LDLRAD3: variants seen among roughly 807,000 people sequenced by gnomAD.
The protein encoded by LDLRAD3 is low density lipoprotein receptor class A domain containing 3, also known as low-density lipoprotein receptor class A domain-containing protein 3.
Under a neutral mutation model 29.4 loss-of-function variants are expected in LDLRAD3, and 20 were observed. The observed-to-expected ratio is 0.68, with a 90% CI of 0.48 to 0.99. The LOEUF is 0.99. Ranked by LOEUF, LDLRAD3 falls within the 50% of genes least tolerant of loss-of-function variation. LDLRAD3 has a pLI of 0.00. For synonymous variants in LDLRAD3, 157 were observed against 192.7 expected, an observed-to-expected ratio of 0.81 and a Z score of 1.53; for missense variants, 420 against 454.3, an observed-to-expected ratio of 0.92 and a Z score of 0.69.
chr11:35,961,154 C>T (rs1344289684), intron 1 of LDLRAD3, among the ~76,000 whole-genome samples: 2 of 152,002 alleles, frequency 1.3e-5, no homozygotes, highest in African/African-American at 2.4e-5. Flanking sequence ...GATTCTGGTG[C>T]CCCCGTGGCT....
chr11:36,066,959 G>A (rs1499509), intron 2 of LDLRAD3, among the ~76,000 whole-genome samples: 22,826 of 152,060 alleles, frequency 0.15, 1,832 homozygotes, highest in East Asian at 0.29. Flanking sequence ...GCTCCCAGAC[G>A]CATCTCCTGC....
rs187588189 is a variant in LDLRAD3, at chr11:36,010,237, C to T, written c.47-25866C>T. 5.4e-3 allele frequency: 832 copies of T among 154,460 alleles called. 9 individuals carry two copies. Among genetic ancestry groups the T allele is most frequent in the African/African-American group, 0.019 (781 of 41,628 alleles). 9.6% of individuals were successfully genotyped at this position (154,460 alleles called of 1,614,324 possible). Reference sequence around the variant, plus strand: ...ATAACTAGGACAGTGGATCTGCTGCCAAAAATACCATCTGCTGTTTTCCAA... The same window carrying T: ...ATAACTAGGACAGTGGATCTGCTGCTAAAAATACCATCTGCTGTTTTCCAA... On this transcript the variant is annotated intron_variant, in intron 1 of 5. Coordinates refer to ENST00000315571, the MANE Select transcript of LDLRAD3 (RefSeq NM_174902.4).
At chr11:35,986,695 T>G (rs1565143982) in intron 1 of LDLRAD3, among the ~76,000 whole-genome samples, 2 of 152,192 alleles carry the variant, frequency 1.3e-5, no homozygotes, top group Non-Finnish European at 2.9e-5. Flanking sequence ...TGTTGCCAGC[T>G]CCTCTGTTCA....
At chr11:36,078,208 G>C (rs1853048437) in intron 2 of LDLRAD3, among the ~76,000 whole-genome samples, 1 of 152,170 alleles carries the variant, frequency 6.6e-6, no homozygotes, top group Non-Finnish European at 1.5e-5. Context: ...CCAGTCTGCG[G>C]GACCCACAGC....
intron 4 of LDLRAD3, among the ~76,000 whole-genome samples, chr11:36,123,188 AAAT>A (rs535143112): frequency 7.3e-5 from 11 of 151,582 alleles, no homozygotes; most frequent in South Asian, 4.2e-4. Flanking sequence ...CTCCGTCTCA[AAAT>A]AATAATAATA....
Position 36,148,152 on chromosome 11 carries a change from G to A in LDLRAD3, c.454+49691G>A, listed in dbSNP as rs1352887670. Among the ~76,000 whole-genome samples, 9 of 152,284 alleles carry A rather than the reference G, an allele frequency of 5.9e-5. No individual in the cohort carries two copies. The East Asian group carries it at 1.7e-3, about 29-fold the overall frequency. On this transcript the variant is annotated intron_variant, in intron 4 of 5. Transcript: ENST00000315571. ...CCCAAAATGCTGGGATTACAGGCGT[G>A]AGCCACCACACCTGGCCAGATTGTT...
At chr11:36,148,191 T>C (rs1854225815) in intron 4 of LDLRAD3, among the ~76,000 whole-genome samples, 1 of 152,174 alleles carries the variant, frequency 6.6e-6, no homozygotes. Flanking sequence ...ATTGTTTCTG[T>C]TTTTCTTATT....
chr11:36,081,319 T>A (rs1475528426), intron 2 of LDLRAD3, among the ~76,000 whole-genome samples: 1 of 152,246 alleles, frequency 6.6e-6, no homozygotes, highest in Non-Finnish European at 1.5e-5. Flanking sequence ...GAATTTTGAT[T>A]GGTGCTTCAG....
chr11:36,017,038 C>A (rs182432057), intron 1 of LDLRAD3, among the ~76,000 whole-genome samples: 250 of 152,336 alleles, frequency 1.6e-3, no homozygotes, highest in Non-Finnish European at 2.8e-3. Context: ...CCATTTAGTC[C>A]ATCCCTAAAG....
At chr11:36,013,734 C>A (rs778658596) in intron 1 of LDLRAD3, among the ~76,000 whole-genome samples, 1 of 151,948 alleles carries the variant, frequency 6.6e-6, no homozygotes, top group Non-Finnish European at 1.5e-5. Flanking sequence ...TTTACAAAGT[C>A]TGTTTCCTTT....
intron 2 of LDLRAD3, among the ~76,000 whole-genome samples, chr11:36,068,646 A>G (rs1852837744): frequency 6.6e-6 from 1 of 152,156 alleles, no homozygotes. Context: ...CCTCCCGAGT[A>G]GCTGGGACTA....
chr11:36,068,752 G>T (rs536756626), intron 2 of LDLRAD3, among the ~76,000 whole-genome samples: 2 of 152,234 alleles, frequency 1.3e-5, no homozygotes, highest in Admixed American at 1.3e-4. Flanking sequence ...TCCTGATCTC[G>T]TGATCCACCC....
intron 1 of LDLRAD3, among the ~76,000 whole-genome samples, chr11:36,024,949 T>C (rs1281340655): frequency 6.6e-6 from 1 of 152,248 alleles, no homozygotes; most frequent in East Asian, 1.9e-4. Context: ...GTTTTTGGAA[T>C]GTCATGGCTT....
At chr11:36,087,180 GTAAAAGACAAATTAAC>G (rs769297401) in intron 3 of LDLRAD3, among the ~76,000 whole-genome samples, 5 of 152,110 alleles carry the variant, frequency 3.3e-5, no homozygotes, top group Non-Finnish European at 5.9e-5. Flanking sequence ...GATTAAGAGA[GTAAAAGACAAATTAAC>G]TAAATGTGAT....
At chr11:36,052,899 G>A (rs1236588271) in intron 2 of LDLRAD3, among the ~76,000 whole-genome samples, 1 of 151,836 alleles carries the variant, frequency 6.6e-6, no homozygotes, top group African/African-American at 2.4e-5. Context: ...GATGTGTGAA[G>A]GGTCTAGCAT....
In LDLRAD3 at chr11:36,215,739, C is replaced by G. The variant is rs373215595; in HGVS notation, c.455-11346C>G. 5.9e-5 allele frequency among the ~76,000 whole-genome samples: 9 copies of G among 152,272 alleles called. No homozygotes were observed. In the South Asian group the frequency reaches 1.5e-3, roughly 25 times the overall value. On this transcript the variant is annotated intron_variant, in intron 4 of 5. Transcript: ENST00000315571. ...TTTGTTCATGGTGGATAAAGCTCCC[C>G]CTTGGGAGCCCTGCTTACAGTGATT...
intron 2 of LDLRAD3, among the ~76,000 whole-genome samples, chr11:36,080,595 T>C (rs1853098457): frequency 6.6e-6 from 1 of 152,158 alleles, no homozygotes; most frequent in African/African-American, 2.4e-5. Flanking sequence ...TATGAAGTGG[T>C]GATAAGAACC....
At chr11:36,119,211 G>GTTT (rs1853717812) in intron 4 of LDLRAD3, among the ~76,000 whole-genome samples, 1 of 152,196 alleles carries the variant, frequency 6.6e-6, no homozygotes, top group African/African-American at 2.4e-5. Flanking sequence ...CTAACCTACA[G>GTTT]TATGTATCAG....
intron 1 of LDLRAD3, among the ~76,000 whole-genome samples, chr11:35,959,417 A>G (rs1851247751): frequency 6.6e-6 from 1 of 152,168 alleles, no homozygotes; most frequent in African/African-American, 2.4e-5. Flanking sequence ...CAGTTTATTT[A>G]TGCTTGTTCT....
Sources: gnomAD v4.1 joint callset for allele counts (sites outside exome capture counted in the v4.1 genomes callset) on GRCh38, gnomAD v4.1.1 for gene constraint, MANE v1.5 for transcripts, NCBI Gene and HGNC (gene_info 2026-07-23, HGNC 2026-07-21) for gene names.